The following EPB41L4A variants were observed in gnomAD, a reference collection of about 807,000 sequenced individuals.
EPB41L4A encodes band 4.1-like protein 4A.
EPB41L4A carries 100 observed loss-of-function variants against 108.6 expected under a neutral mutation model. The ratio of observed to expected loss-of-function variants is 0.92; its 90% CI spans 0.78 to 1.09. The LOEUF (loss-of-function observed/expected upper bound fraction) is 1.09. Ranked by LOEUF, EPB41L4A falls within the 50% of genes least tolerant of loss-of-function variation. EPB41L4A has a pLI of 0.00. For synonymous variants in EPB41L4A, 319 were observed against 289.0 expected (o/e 1.10, Z -1.05); for missense variants, 1,030 against 842.7 (o/e 1.22, Z -2.75).
chr5:112,185,776 G>C (rs180904877), intron 17 of EPB41L4A, among the ~76,000 whole-genome samples: 1 of 152,216 alleles, frequency 6.6e-6, no homozygotes, highest in Admixed American at 6.5e-5. Context: ...TACTACTTGA[G>C]GTCATAATTA....
intron 9 of EPB41L4A, 75 bp downstream of exon 9, chr5:112,259,154 A>G: frequency 8.6e-7 from 1 of 1,158,892 alleles, no homozygotes; most frequent in Non-Finnish European, 1.3e-6. Context: ...ACATTTCTTC[A>G]CAATGTCTTT....
intron 22 of EPB41L4A, among the ~76,000 whole-genome samples, chr5:112,165,545 C>G (rs1760191027): frequency 6.6e-6 from 1 of 152,172 alleles, no homozygotes; most frequent in Admixed American, 6.5e-5. Flanking sequence ...TCACTTGTCT[C>G]ATACGGAGAA....
At chr5:112,410,349 G>A (rs556717173) in intron 1 of EPB41L4A, among the ~76,000 whole-genome samples, 2 of 152,278 alleles carry the variant, frequency 1.3e-5, no homozygotes, top group South Asian at 2.1e-4. Context: ...AGTATTCTAG[G>A]CAGGAGGCAA....
At chr5:112,290,908 C>T (rs1407089453) in intron 2 of EPB41L4A, among the ~76,000 whole-genome samples, 1 of 152,192 alleles carries the variant, frequency 6.6e-6, no homozygotes, top group Admixed American at 6.5e-5. Context: ...GTACAATTCA[C>T]ATGGTTAGCA....
At chr5:112,346,243 T>TTTTTTTTTTTTTTAAA (rs1757667453) in intron 1 of EPB41L4A, among the ~76,000 whole-genome samples, 1 of 128,810 alleles carries the variant, frequency 7.8e-6, no homozygotes, top group Admixed American at 7.9e-5. Context: ...TTTTTTTTTT[T>TTTTTTTTTTTTTTAAA]GAGAAGGAGT....
At chr5:112,417,393 A>G (rs1182882196) in intron 1 of EPB41L4A, among the ~76,000 whole-genome samples, 6 of 152,180 alleles carry the variant, frequency 3.9e-5, no homozygotes, top group Non-Finnish European at 7.4e-5. Context: ...CTTCAAAAAG[A>G]TTTCTTTACT....
intron 1 of EPB41L4A, among the ~76,000 whole-genome samples, chr5:112,323,847 G>C (rs1239316504): frequency 6.6e-6 from 1 of 152,158 alleles, no homozygotes; most frequent in South Asian, 2.1e-4. Flanking sequence ...CTGAACAGTG[G>C]ATTTATAGAG....
intron 1 of EPB41L4A, among the ~76,000 whole-genome samples, chr5:112,401,144 A>G (rs996075646): frequency 6.6e-6 from 1 of 152,182 alleles, no homozygotes. Flanking sequence ...TCTGTCCCCT[A>G]TCTATGAGAG....
rs1236783484 is a variant in EPB41L4A at position 112,173,303 on chromosome 5, G to A, written c.1623-2311C>T. Among the ~76,000 whole-genome samples, 6 of 152,202 alleles carry A rather than the reference G, an allele frequency of 3.9e-5. No individual in the cohort carries two copies. In the East Asian group the frequency reaches 1.2e-3, roughly 29 times the overall value. On this transcript the variant is annotated intron_variant, in intron 18 of 22. Coordinates refer to ENST00000261486, the MANE Select transcript of EPB41L4A (RefSeq NM_022140.5). ...TTCAAAGCTGAATGCTTTCAGGGTG[G>A]ACACGGGGAGAATGAGGAAAGTTAT... is the stretch of plus-strand genomic sequence containing the variant.
intron 1 of EPB41L4A, among the ~76,000 whole-genome samples, chr5:112,412,592 G>C (rs148573487): frequency 4.1e-4 from 62 of 152,318 alleles, no homozygotes; most frequent in African/African-American, 1.4e-3. Flanking sequence ...CTGAGTCTAT[G>C]CCCAGGACAT....
intron 2 of EPB41L4A, among the ~76,000 whole-genome samples, chr5:112,298,583 T>C (rs1327436027): frequency 2.0e-5 from 3 of 152,236 alleles, no homozygotes; most frequent in African/African-American, 7.2e-5. Context: ...TGGATTTGGT[T>C]AGCGAGTATT....
intron 12 of EPB41L4A, among the ~76,000 whole-genome samples, chr5:112,152,000 G>A (rs1173469281): frequency 6.6e-6 from 1 of 152,180 alleles, no homozygotes; most frequent in Non-Finnish European, 1.5e-5. Context: ...CCAAAGTGCT[G>A]GGATTACAGG....
chr5:112,367,080 G>T (rs1254898242), intron 1 of EPB41L4A, among the ~76,000 whole-genome samples: 1 of 152,158 alleles, frequency 6.6e-6, no homozygotes, highest in Non-Finnish European at 1.5e-5. Context: ...GGCAGATGAG[G>T]CTAGCCCTTT....
At chr5:112,403,283 T>C (rs988083563) in intron 1 of EPB41L4A, among the ~76,000 whole-genome samples, 9 of 151,394 alleles carry the variant, frequency 5.9e-5, no homozygotes, top group African/African-American at 2.2e-4. Context: ...TCTTGGTTCG[T>C]TGAACAAAGA....
At chr5:112,299,889 A>G (rs1193634625) in intron 2 of EPB41L4A, among the ~76,000 whole-genome samples, 1 of 152,194 alleles carries the variant, frequency 6.6e-6, no homozygotes, top group African/African-American at 2.4e-5. Flanking sequence ...CCTGTTGCAC[A>G]AGGGCTTTTA....
intron 12 of EPB41L4A, among the ~76,000 whole-genome samples, chr5:112,223,250 T>G (rs1373264984): frequency 1.3e-5 from 2 of 152,088 alleles, no homozygotes; most frequent in Non-Finnish European, 2.9e-5. Context: ...GAAAGTAGTT[T>G]CTTTCTTCTT....
intron 4 of EPB41L4A, 136 bp from the exon 5 acceptor site, chr5:112,266,466 G>T (rs1751866685): frequency 1.6e-6 from 1 of 615,696 alleles, no homozygotes; most frequent in African/African-American, 1.9e-5. Context: ...GTGTGAGGGG[G>T]CTGTTGAGTG....
In EPB41L4A at chr5:112,308,794, C is replaced by T. The variant is rs1754853830; in HGVS notation, c.100-1304G>A. Among the ~76,000 whole-genome samples the T allele has an allele frequency of 2.0e-5, 3 of 152,148 alleles. No homozygotes were observed. The South Asian group carries it at 6.2e-4, about 32-fold the overall frequency. ...ATACTCATAATTACAGTGGGCACTG[C>T]CAAAAAGACCATTACAATTCATTTG... On this transcript the variant is annotated intron_variant, in intron 1 of 22. Transcript: ENST00000261486.
chr5:112,222,099 C>T (rs1276032094), intron 12 of EPB41L4A, among the ~76,000 whole-genome samples: 1 of 152,180 alleles, frequency 6.6e-6, no homozygotes, highest in Admixed American at 6.5e-5. Flanking sequence ...CCCCAAAGAA[C>T]TTACACATTT....
Sources: allele counts gnomAD v4.1 joint callset (sites outside exome capture counted in the v4.1 genomes callset), GRCh38; gene constraint gnomAD v4.1.1; transcripts MANE v1.5; gene names NCBI Gene and HGNC (gene_info 2026-07-23, HGNC 2026-07-21).